Variants in UBE2C observed in about 807,000 individuals in gnomAD.
The protein encoded by UBE2C is ubiquitin-conjugating enzyme E2 C.
A neutral mutation model predicts 23.5 loss-of-function variants in UBE2C; 16 were observed. The observed-to-expected ratio is 0.68, with a 90% CI of 0.46 to 1.03. The LOEUF is 1.03. Among genes scored for constraint, UBE2C ranks in the 50% least tolerant of loss-of-function variants. The pLI is 0.00. For synonymous variants in UBE2C, 76 were observed against 91.6 expected, an observed-to-expected ratio of 0.83 and a Z score of 0.97; for missense variants, 192 against 227.6, an observed-to-expected ratio of 0.84 and a Z score of 1.01.
intron 3 of UBE2C, 54 bp from the exon 4 acceptor site, chr20:45,815,487 G>A: frequency 6.2e-7 from 1 of 1,614,148 alleles, no homozygotes; most frequent in Non-Finnish European, 8.5e-7. Flanking sequence ...GGCTTGGGTT[G>A]GGACATGAGG....
At chr20:45,814,128 A>C (rs1480142805) in intron 2 of UBE2C, among the ~76,000 whole-genome samples, 7 of 141,046 alleles carry the variant, frequency 5.0e-5, no homozygotes, top group African/African-American at 1.7e-4. Context: ...CTCTCTCTCA[A>C]TCTCTCTCTC....
intron 5 of UBE2C, among the ~76,000 whole-genome samples, chr20:45,816,202 C>T (rs1239996609): frequency 6.6e-6 from 1 of 152,206 alleles, no homozygotes; most frequent in Non-Finnish European, 1.5e-5. Context: ...TGCCTGTGCC[C>T]TCCAGTCTCA....
rs777236482 is a variant in UBE2C, at chr20:45,812,690, GC to G, written c.-3del. 144 of 1,550,950 alleles carry G rather than the reference GC, an allele frequency of 9.3e-5. No homozygotes were observed. Among genetic ancestry groups the G allele is most frequent in the Non-Finnish European group, 1.2e-4 (142 of 1,147,010 alleles). ...GAGTTCCTGTCTCTCTGCCAACGCC[GC>G]CCGGATGGCTTCCCAAAACCGCGAC... On this transcript the variant is annotated 5_prime_UTR_variant, in exon 1 of 6. Coordinates refer to ENST00000356455, the MANE Select transcript of UBE2C (RefSeq NM_007019.4).
rs1568716123 is a variant in UBE2C at position 45,815,624 on chromosome 20, G to A, written c.300G>A (p.Thr100=). 11 of 1,613,950 alleles carry A rather than the reference G, an allele frequency of 6.8e-6. No individual in the cohort carries two copies. The highest frequency in any genetic ancestry group is 1.7e-5 in the Admixed American group (1 of 59,984). The change falls in exon 4 of 6, where the codon ACG becomes ACA. Residue 100 remains threonine (T), a synonymous_variant. Transcript: ENST00000356455. ...ATGCGCCCACAGTGAAGTTCCTCAC[G>A]CCCTGCTATCACCCCAACGTGGACA... ...PYNAPTVKFL[T]PCYHPNVDTQ...
chr20:45,816,029 G>A (rs980127184), intron 5 of UBE2C, 116 bp downstream of exon 5: 10 of 1,038,638 alleles, frequency 9.6e-6, no homozygotes, highest in Admixed American at 2.4e-5. Flanking sequence ...GTGGAGTGTC[G>A]GCAGCAACCC....
chr20:45,812,869 G>A, intron 1 of UBE2C, 73 bp downstream of exon 1: 2 of 1,482,772 alleles, frequency 1.3e-6, no homozygotes, highest in Non-Finnish European at 1.8e-6. Flanking sequence ...AAGATTTCTA[G>A]GACCACCCCC....
intron 1 of UBE2C, 51 bp downstream of exon 1, chr20:45,812,847 G>A (rs1251589735): frequency 2.0e-6 from 3 of 1,516,606 alleles, no homozygotes; most frequent in Admixed American, 2.2e-5. Context: ...CTAGGCATTG[G>A]TACCCAGAGC....
At chr20:45,815,955 A>G (rs757211544) in intron 5 of UBE2C, 42 bp downstream of exon 5, 46 of 1,605,202 alleles carry the variant, frequency 2.9e-5, no homozygotes, top group Non-Finnish European at 7.7e-6. Flanking sequence ...CCCTCCCCCA[A>G]CCTTCAAAGG....
chr20:45,813,211 T>C (rs1261861531), intron 1 of UBE2C: 18 of 1,439,952 alleles, frequency 1.3e-5, no homozygotes, highest in Non-Finnish European at 1.6e-5. Flanking sequence ...GCCTGGGGAA[T>C]TAAGAACATG....
In UBE2C at chr20:45,815,530, C is replaced by A; in HGVS notation, c.217-11C>A. 6.2e-7 allele frequency: 1 copy of A among 1,614,068 alleles called. No individual in the cohort carries two copies. The highest frequency in any genetic ancestry group is 1.1e-5 in the South Asian group (1 of 91,070). ...TGGAGCTTACTCTGCAACTGTTTCT[C>A]CAAATGCCAGGTATATGAAGACCTG... is the stretch of plus-strand genomic sequence containing the variant. On this transcript the variant is annotated splice_polypyrimidine_tract_variant and intron_variant, in intron 3 of 5. Transcript: ENST00000356455.
chr20:45,815,004 A>T (rs1264240147), intron 3 of UBE2C, among the ~76,000 whole-genome samples: 2 of 150,812 alleles, frequency 1.3e-5, no homozygotes, highest in Non-Finnish European at 3.0e-5. Flanking sequence ...CGCCCGGCTA[A>T]TTTTTTGTAT....
chr20:45,813,353 CT>C, intron 1 of UBE2C, 83 bp from the exon 2 acceptor site: 1 of 1,611,934 alleles, frequency 6.2e-7, no homozygotes, highest in Non-Finnish European at 8.5e-7. Flanking sequence ...ACGGCTCCCC[CT>C]GAGATTCAGG....
Position 45,815,554 on chromosome 20 carries a change from T to G in UBE2C, c.230T>G (p.Leu77Arg). The G allele has an allele frequency of 1.2e-6, 2 of 1,614,100 alleles. No individual in the cohort carries two copies. The highest frequency in any genetic ancestry group is 2.7e-5 in the African/African-American group (2 of 75,012). Reference sequence around the variant, plus strand: ...TCCAAATGCCAGGTATATGAAGACCTGAGGTATAAGCTCTCGCTAGAGTTC... The same window carrying G: ...TCCAAATGCCAGGTATATGAAGACCGGAGGTATAAGCTCTCGCTAGAGTTC... The part of the protein sequence containing the change: ...HGAAGTVYED[L>R]RYKLSLEFPS... The change falls in exon 4 of 6, where the codon CTG becomes CGG. Residue 77 changes from leucine (L) to arginine (R), a missense_variant. Leu to Arg is a moderately radical substitution (Grantham distance 102, BLOSUM62 -2). Coordinates refer to ENST00000356455, the MANE Select transcript of UBE2C (RefSeq NM_007019.4).
intron 2 of UBE2C, among the ~76,000 whole-genome samples, chr20:45,813,880 G>A (rs553109906): frequency 1.3e-4 from 20 of 152,194 alleles, no homozygotes; most frequent in Non-Finnish European, 2.9e-4. Context: ...TAAGGTGGGC[G>A]GATCACTTGA....
chr20:45,813,323 T>C, intron 1 of UBE2C, 114 bp from the exon 2 acceptor site: 2 of 1,598,352 alleles, frequency 1.3e-6, no homozygotes, highest in Non-Finnish European at 1.7e-6. Context: ...CTGACCTTGG[T>C]GATGTGGGGA....
chr20:45,815,349 T>C (rs1982405729), intron 3 of UBE2C, 192 bp from the exon 4 acceptor site: 1 of 1,552,978 alleles, frequency 6.4e-7, no homozygotes, highest in Admixed American at 2.0e-5. Flanking sequence ...TGAAACCCTG[T>C]CTCTAAAATA....
Position 45,812,655 on chromosome 20 carries a change from CG to C in UBE2C, c.-40del, listed in dbSNP as rs1568713042. 4 of 1,547,704 alleles carry C rather than the reference CG, an allele frequency of 2.6e-6. No individual in the cohort carries two copies. In the South Asian group the frequency reaches 4.8e-5, roughly 18 times the overall value. On this transcript the variant is annotated 5_prime_UTR_variant, in exon 1 of 6. Transcript: ENST00000356455. ...GGGCCCGCAGTCCTGCAGTTGCAGT[CG>C]TGTTCTCCGAGTTCCTGTCTCTCTG...
At chr20:45,815,478 G>T (rs764954619) in intron 3 of UBE2C, 63 bp from the exon 4 acceptor site, 1 of 1,614,060 alleles carries the variant, frequency 6.2e-7, no homozygotes. Flanking sequence ...CTTGTGTGGG[G>T]CTTGGGTTGG....
intron 2 of UBE2C, among the ~76,000 whole-genome samples, chr20:45,814,146 C>CTATA (rs1555817446): frequency 2.2e-4 from 29 of 133,948 alleles, no homozygotes; most frequent in African/African-American, 7.6e-4. Context: ...CTCTCTCTCT[C>CTATA]TATATATATA....
Sources: allele counts gnomAD v4.1 joint callset (sites outside exome capture counted in the v4.1 genomes callset), GRCh38; gene constraint gnomAD v4.1.1; transcripts MANE v1.5; gene names NCBI Gene and HGNC (gene_info 2026-07-23, HGNC 2026-07-21).